Variants in KCNH7 observed in about 807,000 individuals in gnomAD.
KCNH7 encodes voltage-gated inwardly rectifying potassium channel KCNH7.
Under a neutral mutation model 120.8 loss-of-function variants are expected in KCNH7, and 49 were observed. The ratio of observed to expected loss-of-function variants is 0.41; its 90% CI spans 0.32 to 0.51. The LOEUF is 0.51. Among genes scored for constraint, KCNH7 ranks in the 20% least tolerant of loss-of-function variants. KCNH7 has a pLI of 0.38. For synonymous variants in KCNH7, 547 were observed against 516.1 expected (o/e 1.06, Z -0.81); for missense variants, 1,097 against 1,446.6 (o/e 0.76, Z 3.92).
At chr2:162,807,256 C>CAAAA (rs745345993) in intron 2 of KCNH7, among the ~76,000 whole-genome samples, 49 of 15,620 alleles carry the variant, frequency 3.1e-3, no homozygotes, top group African/African-American at 5.0e-3. Context: ...ACTAAAAATA[C>CAAAA]AAAAAAAAAA....
chr2:162,588,108 G>A (rs1694079628), intron 2 of KCNH7, among the ~76,000 whole-genome samples: 1 of 152,090 alleles, frequency 6.6e-6, no homozygotes, highest in Admixed American at 6.6e-5. Context: ...ACCATGGAAT[G>A]TAGACAACTA....
chr2:162,518,014 G>A lies in KCNH7; in HGVS notation c.608C>T (p.Pro203Leu), dbSNP rs752170303. ...DSVAMKHFKS[P>L]TKESCSPSEA... The stretch of plus-strand genomic sequence containing the variant: ...AGAGGGGCTGCAGCTTTCTTTTGTA[G>A]GAGACTTAAAATGCTTCATGGCTAC... Residue 203 changes from proline to leucine, a missense_variant, in exon 4 of 16, where the codon CCT (proline) becomes CTT (leucine). Physicochemically the swap from Pro to Leu is moderately conservative, Grantham distance 98. This residue lies in a region of KCNH7 where 362 missense variants were observed against 372.2 expected (regional missense o/e 0.97). Transcript: ENST00000332142. 3 of 1,612,394 alleles carry A rather than the reference G, an allele frequency of 1.9e-6. No homozygotes were observed. The highest frequency in any genetic ancestry group is 2.5e-6 in the Non-Finnish European group (3 of 1,178,884).
chr2:162,781,331 T>A (rs908893146), intron 2 of KCNH7, among the ~76,000 whole-genome samples: 1 of 151,960 alleles, frequency 6.6e-6, no homozygotes, highest in East Asian at 1.9e-4. Context: ...TAAAAAAAAA[T>A]TCACAATGTC....
At chr2:162,646,953 T>C (rs1684380057) in intron 2 of KCNH7, among the ~76,000 whole-genome samples, 1 of 152,162 alleles carries the variant, frequency 6.6e-6, no homozygotes, top group African/African-American at 2.4e-5. Context: ...ATAATATATG[T>C]GTATTGTTTT....
chr2:162,648,485 T>A (rs1684450178), intron 2 of KCNH7, among the ~76,000 whole-genome samples: 1 of 152,124 alleles, frequency 6.6e-6, no homozygotes, highest in African/African-American at 2.4e-5. Flanking sequence ...ATCAACCACA[T>A]CATGCTAAGC....
intron 7 of KCNH7, among the ~76,000 whole-genome samples, chr2:162,444,906 T>C (rs960516131): frequency 6.6e-5 from 10 of 151,938 alleles, no homozygotes; most frequent in Non-Finnish European, 1.0e-4. Context: ...ACTATCTCAT[T>C]AGAGTCTCAA....
At chr2:162,537,519 T>A (rs1692150115) in intron 2 of KCNH7, among the ~76,000 whole-genome samples, 1 of 152,080 alleles carries the variant, frequency 6.6e-6, no homozygotes, top group African/African-American at 2.4e-5. Flanking sequence ...ACTTATGTGC[T>A]TTTTCTCTTT....
intron 2 of KCNH7, among the ~76,000 whole-genome samples, chr2:162,721,759 A>T (rs1687330954): frequency 6.6e-6 from 1 of 152,088 alleles, no homozygotes. Context: ...TACGGAAATT[A>T]AAAAATTTCA....
At chr2:162,400,039 G>C (rs766016343) in intron 10 of KCNH7, 150 bp downstream of exon 10, 142 of 844,456 alleles carry the variant, frequency 1.7e-4, no homozygotes, top group Non-Finnish European at 1.6e-4. Flanking sequence ...AATTTGGTTT[G>C]AACTGAATTT....
At chr2:162,425,012 C>T (rs1037097276) in intron 8 of KCNH7, among the ~76,000 whole-genome samples, 8 of 152,140 alleles carry the variant, frequency 5.3e-5, no homozygotes, top group African/African-American at 1.9e-4. Context: ...GTCCTCCCCA[C>T]TGTGGGTGGG....
At chr2:162,533,008 C>T (rs531327486) in intron 3 of KCNH7, among the ~76,000 whole-genome samples, 1 of 151,900 alleles carries the variant, frequency 6.6e-6, no homozygotes, top group South Asian at 2.1e-4. Context: ...GGATTATAAG[C>T]TATTAGGTTG....
chr2:162,704,727 T>G (rs1686634893), intron 2 of KCNH7, among the ~76,000 whole-genome samples: 1 of 152,202 alleles, frequency 6.6e-6, no homozygotes, highest in Non-Finnish European at 1.5e-5. Context: ...TTGTTAGCCA[T>G]CTGTCTCCAA....
chr2:162,738,043 G>T (rs747519216), intron 2 of KCNH7, among the ~76,000 whole-genome samples: 1 of 146,362 alleles, frequency 6.8e-6, no homozygotes, highest in Non-Finnish European at 1.5e-5. Context: ...CAGCCTGGGC[G>T]GCAGAGAGAG....
chr2:162,503,683 A>G (rs1004391102), intron 6 of KCNH7, among the ~76,000 whole-genome samples: 1 of 152,080 alleles, frequency 6.6e-6, no homozygotes, highest in African/African-American at 2.4e-5. Flanking sequence ...GCTTTATATT[A>G]TAGAGAGTTT....
In KCNH7 at chr2:162,601,399, C is replaced by CTTTTTTTTTTTTTT. The variant is rs60201823; in HGVS notation, c.308-64333_308-64320dup. 5.5e-3 allele frequency among the ~76,000 whole-genome samples: 53 copies of CTTTTTTTTTTTTTT among 9,598 alleles called. 13 individuals carry two copies. The highest frequency in any genetic ancestry group is 0.017 in the South Asian group (2 of 120). The allele number at this position is 9,598 out of a possible 152,430, so 6.3% of individuals were successfully genotyped here. A position where few individuals can be genotyped will look rare whatever the true frequency, so the allele number is the denominator to read the frequency against. ...AAATTTTAAAAAAGTACTTCTTGTG[C>CTTTTTTTTTTTTTT]TTTTTTTTTTTTTTTTTTTTTTTTT... is the stretch of plus-strand genomic sequence containing the variant. On this transcript the variant is annotated intron_variant, in intron 2 of 15. Coordinates refer to ENST00000332142, the MANE Select transcript of KCNH7 (RefSeq NM_033272.4).
At chr2:162,643,804 CAAAAAAA>C (rs781089376) in intron 2 of KCNH7, among the ~76,000 whole-genome samples, 23 of 90,404 alleles carry the variant, frequency 2.5e-4, no homozygotes, top group Admixed American at 7.6e-4. Flanking sequence ...GACTCTATCT[CAAAAAAA>C]AAAAAAAAAA....
At chr2:162,761,174 G>A (rs1412956372) in intron 2 of KCNH7, among the ~76,000 whole-genome samples, 2 of 151,972 alleles carry the variant, frequency 1.3e-5, no homozygotes, top group Admixed American at 1.3e-4. Flanking sequence ...TTATATCCCT[G>A]TCTATATCAA....
At chr2:162,575,984 T>C (rs1693656428) in intron 2 of KCNH7, among the ~76,000 whole-genome samples, 1 of 152,072 alleles carries the variant, frequency 6.6e-6, no homozygotes, top group Non-Finnish European at 1.5e-5. Context: ...ATGGGGTTTT[T>C]CCATATACAA....
chr2:162,548,591 C>A (rs528069438), intron 2 of KCNH7, among the ~76,000 whole-genome samples: 1 of 152,088 alleles, frequency 6.6e-6, no homozygotes, highest in African/African-American at 2.4e-5. Flanking sequence ...GTTCACCCAG[C>A]AGCACACATT....
Sources: gnomAD v4.1 joint callset for allele counts (sites outside exome capture counted in the v4.1 genomes callset) on GRCh38, gnomAD v4.1.1 for gene constraint, gnomAD v4.1.1 regional missense constraint, MANE v1.5 for transcripts, NCBI Gene and HGNC (gene_info 2026-07-23, HGNC 2026-07-21) for gene names.